The following MTNAP1 variants were observed in gnomAD, a reference collection of about 807,000 sequenced individuals.
MTNAP1 encodes the protein mitochondrial nucleoid associated protein 1.
At chr17:73,245,444 C>G in the MTNAP1 span, 6 of 1,167,782 alleles carry the variant, frequency 5.1e-6, no homozygotes, top group South Asian at 2.1e-4. Flanking sequence ...TAGAGAAAAA[C>G]TAGTTTTGTT....
At chr17:73,237,492 G>C in the MTNAP1 span, among the ~76,000 whole-genome samples, 925 of 152,252 alleles carry the variant, frequency 6.1e-3, 5 homozygotes, top group Middle Eastern at 0.048. Context: ...CAGTAGTGGT[G>C]GTTTATCCCT....
the MTNAP1 span, among the ~76,000 whole-genome samples, chr17:73,238,001 G>A: frequency 6.6e-6 from 1 of 152,148 alleles, no homozygotes; most frequent in Non-Finnish European, 1.5e-5. Context: ...GAGATGAGGC[G>A]AGAAGGGCTT....
At chr17:73,239,161 C>T in the MTNAP1 span, among the ~76,000 whole-genome samples, 361 of 152,158 alleles carry the variant, frequency 2.4e-3, 2 homozygotes, top group African/African-American at 8.1e-3. Context: ...GTCTTGAACT[C>T]GTGACCTCAG....
the MTNAP1 span, among the ~76,000 whole-genome samples, chr17:73,246,157 A>G: frequency 6.6e-6 from 1 of 152,178 alleles, no homozygotes; most frequent in Non-Finnish European, 1.5e-5. Context: ...TCACACGCAC[A>G]CACCCGTCTG....
the MTNAP1 span, chr17:73,233,212 C>T: frequency 0.53 from 80,886 of 151,956 alleles, 21,637 homozygotes; most frequent in East Asian, 0.62. Context: ...TGATCGTGTC[C>T]TACACAGGCT....
chr17:73,239,520 C>CTTTTTTTTTTTTTTTTT, the MTNAP1 span, among the ~76,000 whole-genome samples: 1 of 141,518 alleles, frequency 7.1e-6, no homozygotes, highest in Non-Finnish European at 1.5e-5. Context: ...CTTCAGACAT[C>CTTTTTTTTTTTTTTTTT]TTTTTTTTTT....
chr17:73,234,454 G>A, the MTNAP1 span, among the ~76,000 whole-genome samples: 4 of 109,620 alleles, frequency 3.6e-5, no homozygotes, highest in Non-Finnish European at 6.2e-5. Flanking sequence ...CACACTGGAA[G>A]GCCGAAGGCG....
the MTNAP1 span, chr17:73,247,771 A>T: frequency 1.9e-3 from 314 of 162,548 alleles, 1 homozygote; most frequent in African/African-American, 7.0e-3. Flanking sequence ...AAACAACAAA[A>T]AGTCTCCACT....
chr17:73,242,193 AG>A, the MTNAP1 span: 2 of 1,234,844 alleles, frequency 1.6e-6, no homozygotes, highest in South Asian at 2.6e-5. Flanking sequence ...ATGTTAGGGA[AG>A]GGGGTACGTT....
At chr17:73,237,414 G>A in the MTNAP1 span, among the ~76,000 whole-genome samples, 37 of 149,654 alleles carry the variant, frequency 2.5e-4, no homozygotes, top group Non-Finnish European at 4.3e-4. Flanking sequence ...CAGCCTGGGC[G>A]ACGGGAATGA....
At chr17:73,248,467 A>T in the MTNAP1 span, 6 of 1,550,332 alleles carry the variant, frequency 3.9e-6, no homozygotes, top group East Asian at 1.5e-4. Context: ...GTGGCATTGG[A>T]GTGCCCCGCT....
chr17:73,234,315 A>G, the MTNAP1 span, among the ~76,000 whole-genome samples: 1 of 113,408 alleles, frequency 8.8e-6, no homozygotes, highest in African/African-American at 3.2e-5. Flanking sequence ...TATACATGGT[A>G]TAAATGTTTT....
the MTNAP1 span, chr17:73,242,365 T>A: frequency 6.6e-7 from 1 of 1,512,892 alleles, no homozygotes; most frequent in South Asian, 1.2e-5. Flanking sequence ...AGGCTGGAGT[T>A]TGACTGTTGT....
the MTNAP1 span, chr17:73,245,271 T>A: frequency 6.5e-6 from 10 of 1,537,676 alleles, no homozygotes; most frequent in Non-Finnish European, 8.8e-6. Flanking sequence ...CTTAACAGTT[T>A]AAAAATGTAT....
chr17:73,236,048 A>G, the MTNAP1 span: 40 of 1,614,064 alleles, frequency 2.5e-5, no homozygotes, highest in Non-Finnish European at 3.1e-5. Context: ...GATAGAAAAT[A>G]TTCCTCAACT....
the MTNAP1 span, among the ~76,000 whole-genome samples, chr17:73,244,172 TA>T: frequency 6.6e-6 from 1 of 152,200 alleles, no homozygotes; most frequent in African/African-American, 2.4e-5. Flanking sequence ...ATTGTATTAT[TA>T]AAAAAATCCT....
the MTNAP1 span, among the ~76,000 whole-genome samples, chr17:73,233,719 C>G: frequency 6.6e-6 from 1 of 152,190 alleles, no homozygotes; most frequent in African/African-American, 2.4e-5. Flanking sequence ...CTAAAATTAG[C>G]TGGGCGTGGT....
At chr17:73,248,712 C>A in the MTNAP1 span, 1 of 674,792 alleles carries the variant, frequency 1.5e-6, no homozygotes, top group Admixed American at 2.3e-5. Flanking sequence ...GCCTGAATAC[C>A]CCGGCTGTAA....
At chr17:73,237,427 C>T in the MTNAP1 span, among the ~76,000 whole-genome samples, 1 of 125,636 alleles carries the variant, frequency 8.0e-6, no homozygotes, top group Non-Finnish European at 1.7e-5. Flanking sequence ...GGGAATGAGA[C>T]CCTGTCTCAA....
Sources: gnomAD v4.1 joint callset for allele counts (sites outside exome capture counted in the v4.1 genomes callset) on GRCh38, gnomAD v4.1.1 for gene constraint, MANE v1.5 for transcripts, NCBI Gene and HGNC (gene_info 2026-07-23, HGNC 2026-07-21) for gene names.